ZNF560: variants seen among roughly 807,000 people sequenced by gnomAD.
ZNF560 encodes zinc finger protein 560.
ZNF560 carries 54 observed loss-of-function variants against 81.8 expected under a neutral mutation model. The ratio of observed to expected loss-of-function variants is 0.66; its 90% confidence interval spans 0.53 to 0.83. The LOEUF is 0.83. Ranked by LOEUF, ZNF560 falls within the 40% of genes least tolerant of loss-of-function variation. ZNF560 has a pLI of 0.00. For synonymous variants in ZNF560, 321 were observed against 317.9 expected (o/e 1.01, Z -0.10); for missense variants, 940 against 932.4 (o/e 1.01, Z -0.11).
chr19:9,468,374 CA>C, intron 9 of ZNF560, 40 bp from the exon 10 acceptor site: 1 of 1,463,746 alleles, frequency 6.8e-7, no homozygotes. Flanking sequence ...AGCATTTTAG[CA>C]GACTTATTAA....
chr19:9,483,594 CCCGCCCGGCCAG>C (rs569193894), intron 2 of ZNF560, among the ~76,000 whole-genome samples: 10,498 of 135,106 alleles, frequency 0.078, 1,087 homozygotes, highest in Middle Eastern at 0.12. Flanking sequence ...GGGGTCAGCC[CCCGCCCGGCCAG>C]CCGCCCCGTC....
At chr19:9,474,086 C>T (rs1479589375) in intron 4 of ZNF560, 113 bp downstream of exon 4, 6 of 1,227,720 alleles carry the variant, frequency 4.9e-6, no homozygotes, top group Non-Finnish European at 5.9e-6. Context: ...CCTATTATGG[C>T]AGGGACAACG....
intron 5 of ZNF560, 38 bp from the exon 6 acceptor site, chr19:9,471,416 T>TTA: frequency 1.3e-4 from 170 of 1,279,270 alleles, no homozygotes; most frequent in South Asian, 4.3e-4. Context: ...TTTTTTTTTT[T>TTA]AAAAAAAAAG....
At chr19:9,505,782 G>A in the ZNF560 span, among the ~76,000 whole-genome samples, 2 of 152,250 alleles carry the variant, frequency 1.3e-5, no homozygotes, top group Admixed American at 6.5e-5. Context: ...TCATGTCTCA[G>A]CCTCCTGTGT....
intron 2 of ZNF560, among the ~76,000 whole-genome samples, chr19:9,475,809 T>C (rs1435075130): frequency 6.6e-6 from 1 of 152,082 alleles, no homozygotes; most frequent in Non-Finnish European, 1.5e-5. Flanking sequence ...GGTTTCACCG[T>C]GTTACCCAGG....
Position 9,475,349 on chromosome 19 carries a change from A to G in ZNF560, c.-36T>C. 6.2e-7 allele frequency: 1 copy of G among 1,611,304 alleles called. No individual in the cohort carries two copies. Among genetic ancestry groups the G allele is most frequent in the Non-Finnish European group, 8.5e-7 (1 of 1,178,310 alleles). ...GCCTCTGTCTTTTCTTCATGAAGGC[A>G]GATTGGGTTCCTAGAAAGACCTGGA... is the stretch of plus-strand genomic sequence containing the variant. On this transcript the variant is annotated 5_prime_UTR_variant, in exon 3 of 10. Coordinates refer to ENST00000301480, the MANE Select transcript of ZNF560 (RefSeq NM_152476.3).
intron 2 of ZNF560, among the ~76,000 whole-genome samples, chr19:9,484,520 A>T (rs2073354030): frequency 1.3e-5 from 2 of 151,616 alleles, no homozygotes; most frequent in Non-Finnish European, 2.9e-5. Context: ...GGTGGCTCAC[A>T]CCTGTAATTC....
At chr19:9,501,560 C>T (rs1321079777), upstream of ZNF560, among the ~76,000 whole-genome samples, 4 of 151,824 alleles carry the variant, frequency 2.6e-5, no homozygotes, top group Admixed American at 2.0e-4. Context: ...AGGGTTTCAC[C>T]ATGTTGGCCA....
At chr19:9,454,822 CTGA>C in the ZNF560 span, among the ~76,000 whole-genome samples, 1 of 151,592 alleles carries the variant, frequency 6.6e-6, no homozygotes, top group African/African-American at 2.4e-5. Flanking sequence ...GCTTTTCACA[CTGA>C]TGATGAGGAG....
chr19:9,484,118 C>T (rs910809129), intron 2 of ZNF560, among the ~76,000 whole-genome samples: 6 of 152,178 alleles, frequency 3.9e-5, no homozygotes, highest in Admixed American at 6.5e-5. Flanking sequence ...GTCATCACCA[C>T]TCCCTAATCT....
At chr19:9,454,467 G>A in the ZNF560 span, among the ~76,000 whole-genome samples, 18 of 152,196 alleles carry the variant, frequency 1.2e-4, no homozygotes, top group Admixed American at 5.2e-4. Flanking sequence ...ATGGAACTAC[G>A]CTGGAGCACA....
chr19:9,466,352 AAAAGAG>A (rs2073014990), exon 10 of ZNF560, among the ~76,000 whole-genome samples: 2 of 147,702 alleles, frequency 1.4e-5, no homozygotes, highest in African/African-American at 5.3e-5. Flanking sequence ...CAAAAAAAAA[AAAAGAG>A]AGAGAGAAGA....
intron 3 of ZNF560, 106 bp downstream of exon 3, chr19:9,475,178 C>A: frequency 8.1e-7 from 1 of 1,230,462 alleles, no homozygotes; most frequent in East Asian, 2.4e-5. Context: ...TTGAGTGAGT[C>A]TTTATTTACT....
At chr19:9,492,452 G>A (rs1265331049) in intron 2 of ZNF560, among the ~76,000 whole-genome samples, 1 of 152,188 alleles carries the variant, frequency 6.6e-6, no homozygotes, top group African/African-American at 2.4e-5. Context: ...CTAGGCTTTT[G>A]CCTATACAAT....
At chr19:9,473,907 G>A (rs567299376) in intron 4 of ZNF560, among the ~76,000 whole-genome samples, 1 of 152,308 alleles carries the variant, frequency 6.6e-6, no homozygotes, top group Admixed American at 6.5e-5. Flanking sequence ...TAATATTATA[G>A]TGCATCAAAT....
downstream of ZNF560, among the ~76,000 whole-genome samples, chr19:9,462,731 A>C (rs1275068869): frequency 6.6e-6 from 1 of 152,230 alleles, no homozygotes; most frequent in Non-Finnish European, 1.5e-5. Flanking sequence ...AGATAATATA[A>C]CATTGGAATG....
At chr19:9,469,778 C>G (rs960676153) in intron 7 of ZNF560, 68 bp from the exon 8 acceptor site, 2 of 1,327,904 alleles carry the variant, frequency 1.5e-6, no homozygotes, top group African/African-American at 1.4e-5. Flanking sequence ...TTCCATGAAA[C>G]AGGGACTACG....
the ZNF560 span, among the ~76,000 whole-genome samples, chr19:9,458,178 A>G: frequency 6.6e-6 from 1 of 152,214 alleles, no homozygotes; most frequent in Non-Finnish European, 1.5e-5. Flanking sequence ...CAAAGACACA[A>G]ATACAGCAAG....
At chr19:9,469,508 C>A in intron 8 of ZNF560, 122 bp downstream of exon 8, 1 of 851,758 alleles carries the variant, frequency 1.2e-6, no homozygotes, top group East Asian at 2.6e-5. Flanking sequence ...TTAAGATATC[C>A]CAAAACATCC....
Sources: gnomAD v4.1 joint callset for allele counts (sites outside exome capture counted in the v4.1 genomes callset) on GRCh38, gnomAD v4.1.1 for gene constraint, MANE v1.5 for transcripts, NCBI Gene and HGNC (gene_info 2026-07-23, HGNC 2026-07-21) for gene names.